The following PCGF5 variants were observed in gnomAD, a reference collection of about 807,000 sequenced individuals.
PCGF5 encodes polycomb group ring finger 5, also known as polycomb group RING finger protein 5.
Under a neutral mutation model 44.3 loss-of-function variants are expected in PCGF5, and 9 were observed. That is an observed-to-expected ratio of 0.20 (90% confidence interval 0.12 to 0.35). PCGF5 has a LOEUF of 0.35. Among genes scored for constraint, PCGF5 ranks in the 10% least tolerant of loss-of-function variants. PCGF5 has a pLI of 1.00. For synonymous variants in PCGF5, 95 were observed against 102.5 expected, an observed-to-expected ratio of 0.93 and a Z score of 0.44; for missense variants, 146 against 305.3, an observed-to-expected ratio of 0.48 and a Z score of 3.89.
chr10:91,192,761 G>C (rs575401029), intron 1 of PCGF5, among the ~76,000 whole-genome samples: 27 of 152,300 alleles, frequency 1.8e-4, no homozygotes, highest in African/African-American at 5.1e-4. Context: ...ATAGAGCACA[G>C]AAAGGAGAAA....
intron 5 of PCGF5, among the ~76,000 whole-genome samples, chr10:91,250,749 A>T (rs1443033788): frequency 6.6e-6 from 1 of 151,854 alleles, no homozygotes; most frequent in Non-Finnish European, 1.5e-5. Flanking sequence ...ATGGAGTTGT[A>T]ACATGTTATG....
chr10:91,186,848 T>C (rs1385257166), intron 1 of PCGF5, among the ~76,000 whole-genome samples: 1 of 152,212 alleles, frequency 6.6e-6, no homozygotes, highest in Non-Finnish European at 1.5e-5. Flanking sequence ...TATATACATT[T>C]ATACTGCTGG....
intron 1 of PCGF5, among the ~76,000 whole-genome samples, chr10:91,200,065 C>T (rs1219299984): frequency 6.6e-6 from 1 of 152,338 alleles, no homozygotes; most frequent in South Asian, 2.1e-4. Context: ...GGGTTACTTG[C>T]CCATCAACTA....
intron 1 of PCGF5, among the ~76,000 whole-genome samples, chr10:91,179,947 C>G (rs4300317): frequency 0.36 from 54,764 of 152,022 alleles, 10,681 homozygotes; most frequent in East Asian, 0.52. Flanking sequence ...GGTGGCTGAA[C>G]TAATTTACAC....
intron 2 of PCGF5, among the ~76,000 whole-genome samples, chr10:91,233,617 C>T (rs535987775): frequency 2.3e-4 from 35 of 152,056 alleles, no homozygotes; most frequent in East Asian, 7.7e-4. Context: ...TGCATGGAAG[C>T]GAATTACAGC....
intron 8 of PCGF5, among the ~76,000 whole-genome samples, chr10:91,264,762 G>C (rs1248148867): frequency 6.6e-6 from 1 of 151,972 alleles, no homozygotes; most frequent in Non-Finnish European, 1.5e-5. Flanking sequence ...AATATGTTCA[G>C]GACTCTACTA....
At chr10:91,157,443 A>G in the PCGF5 span, among the ~76,000 whole-genome samples, 1 of 152,224 alleles carries the variant, frequency 6.6e-6, no homozygotes, top group Non-Finnish European at 1.5e-5. Flanking sequence ...ATGCCTATAA[A>G]ATTTTTGACT....
At chr10:91,190,119 G>A (rs920478030) in intron 1 of PCGF5, among the ~76,000 whole-genome samples, 2 of 152,184 alleles carry the variant, frequency 1.3e-5, no homozygotes, top group Non-Finnish European at 2.9e-5. Context: ...GGGCAGATTG[G>A]TCTCTGGTGA....
At chr10:91,233,734 A>C (rs992693605) in intron 2 of PCGF5, among the ~76,000 whole-genome samples, 12 of 152,172 alleles carry the variant, frequency 7.9e-5, no homozygotes, top group African/African-American at 2.9e-4. Context: ...TTACTTATAA[A>C]CTGTTAGCAG....
chr10:91,172,889 T>A (rs1843634995), intron 1 of PCGF5, among the ~76,000 whole-genome samples: 1 of 152,212 alleles, frequency 6.6e-6, no homozygotes, highest in Admixed American at 6.5e-5. Flanking sequence ...AGCTTTGAGA[T>A]CCTGTTTTTG....
chr10:91,177,500 G>A (rs1039799933), intron 1 of PCGF5, among the ~76,000 whole-genome samples: 5 of 152,282 alleles, frequency 3.3e-5, no homozygotes, highest in East Asian at 1.9e-4. Context: ...CCTTGCCCCC[G>A]GAGGTGGAGT....
At chr10:91,218,663 T>G (rs1247164160), upstream of PCGF5, among the ~76,000 whole-genome samples, 2 of 152,116 alleles carry the variant, frequency 1.3e-5, no homozygotes, top group African/African-American at 4.8e-5. Flanking sequence ...GACAGAGCCT[T>G]GCTCTGTCTC....
At chr10:91,174,287 A>G (rs971000146) in intron 1 of PCGF5, among the ~76,000 whole-genome samples, 2 of 152,056 alleles carry the variant, frequency 1.3e-5, no homozygotes, top group Non-Finnish European at 2.9e-5. Flanking sequence ...TGGGTGGATC[A>G]CTTGAGGCCA....
At chr10:91,254,979 A>T (rs1024955670) in intron 6 of PCGF5, among the ~76,000 whole-genome samples, 1 of 152,116 alleles carries the variant, frequency 6.6e-6, no homozygotes, top group Non-Finnish European at 1.5e-5. Context: ...CCTTGAAAAT[A>T]ACAGCCTGCT....
In PCGF5 at chr10:91,278,796, G is replaced by GTTAGAAA; in HGVS notation, c.*480_*481insTTAGAAA. 1 of 154,496 alleles carries GTTAGAAA rather than the reference G, an allele frequency of 6.5e-6. No individual in the cohort carries two copies. Among genetic ancestry groups the GTTAGAAA allele is most frequent in the Admixed American group, 6.4e-5 (1 of 15,552 alleles). 9.6% of individuals were successfully genotyped at this position (154,496 alleles called of 1,614,324 possible). ...AAGTATATTTAGAAAAGTGGTTTTT[G>GTTAGAAA]AGCCACTGTCTTGTTCTTGATAAGC... On this transcript the variant is annotated 3_prime_UTR_variant, in exon 10 of 10. Coordinates refer to ENST00000336126, the MANE Select transcript of PCGF5 (RefSeq NM_032373.5).
intron 1 of PCGF5, among the ~76,000 whole-genome samples, chr10:91,211,033 T>C (rs1276336278): frequency 6.6e-6 from 1 of 152,200 alleles, no homozygotes; most frequent in East Asian, 1.9e-4. Context: ...CAGGAGGCAT[T>C]TGTTAAATAA....
intron 1 of PCGF5, among the ~76,000 whole-genome samples, chr10:91,176,853 T>G (rs1479332713): frequency 6.6e-6 from 1 of 152,136 alleles, no homozygotes; most frequent in Non-Finnish European, 1.5e-5. Flanking sequence ...AGGTTTGAAC[T>G]TCCTCCTTTA....
intron 1 of PCGF5, among the ~76,000 whole-genome samples, chr10:91,196,644 A>G (rs1197395957): frequency 1.3e-5 from 2 of 151,658 alleles, no homozygotes; most frequent in Non-Finnish European, 2.9e-5. Context: ...TTTCCATTAC[A>G]CTGATGTGTT....
At chr10:91,192,217 AT>A (rs1227580239) in intron 1 of PCGF5, among the ~76,000 whole-genome samples, 1 of 152,152 alleles carries the variant, frequency 6.6e-6, no homozygotes, top group African/African-American at 2.4e-5. Context: ...CATTTGTGGA[AT>A]TTTTTTAAAA....
Sources: allele counts gnomAD v4.1 joint callset (sites outside exome capture counted in the v4.1 genomes callset), GRCh38; gene constraint gnomAD v4.1.1; transcripts MANE v1.5; gene names NCBI Gene and HGNC (gene_info 2026-07-23, HGNC 2026-07-21).